The following TBC1D22B variants were observed in gnomAD, a reference collection of about 807,000 sequenced individuals.
TBC1D22B encodes the protein TBC1 domain family member 22B, also known as chromosome 6 open reading frame 197.
A neutral mutation model predicts 69.1 loss-of-function variants in TBC1D22B; 32 were observed. That is an observed-to-expected ratio of 0.46 (90% CI 0.35 to 0.62). The LOEUF is 0.62. Ranked by LOEUF, TBC1D22B falls within the 20% of genes least tolerant of loss-of-function variation. The pLI is 0.00. For synonymous variants in TBC1D22B, 206 were observed against 229.8 expected, an observed-to-expected ratio of 0.90 and a Z score of 0.94; for missense variants, 462 against 630.9, an observed-to-expected ratio of 0.73 and a Z score of 2.87.
At chr6:37,324,423 C>G (rs1452475198) in intron 12 of TBC1D22B, 1 of 454,346 alleles carries the variant, frequency 2.2e-6, no homozygotes, top group Non-Finnish European at 4.4e-6. Context: ...AATCTCTCAG[C>G]TGTAAGACAA....
chr6:37,302,680 A>C (rs1767603365), intron 8 of TBC1D22B, among the ~76,000 whole-genome samples: 1 of 152,242 alleles, frequency 6.6e-6, no homozygotes, highest in Non-Finnish European at 1.5e-5. Flanking sequence ...ACCTGGAAGC[A>C]TGACAGCAGT....
intron 12 of TBC1D22B, among the ~76,000 whole-genome samples, chr6:37,320,880 G>A (rs1022949505): frequency 1.3e-5 from 2 of 152,236 alleles, no homozygotes; most frequent in African/African-American, 4.8e-5. Context: ...CTTGAAATGC[G>A]AGCTGCCAGC....
Position 37,313,861 on chromosome 6 carries a change from G to C in TBC1D22B, c.1135G>C (p.Ala379Pro). 1.2e-6 allele frequency: 2 copies of C among 1,614,178 alleles called. No homozygotes were observed. The highest frequency in any genetic ancestry group is 1.7e-6 in the Non-Finnish European group (2 of 1,180,020). Residue 379 changes from alanine to proline, a missense_variant, in exon 10 of 13, where the codon GCA (alanine) becomes CCA (proline). Around this residue, in one of 2 missense-constraint regions of TBC1D22B, gnomAD observed 225 missense variants for 375.4 expected, o/e 0.60. Transcript: ENST00000373491. ...AQPGIQKKVK[A>P]LEELVSRIDE... The stretch of plus-strand genomic sequence containing the variant: ...ACCAGGAATCCAGAAGAAGGTGAAG[G>C]CACTGGAAGAGCTTGTCAGCCGGAT...
chr6:37,273,728 A>G (rs1288298629), intron 2 of TBC1D22B, among the ~76,000 whole-genome samples: 1 of 152,136 alleles, frequency 6.6e-6, no homozygotes, highest in African/African-American at 2.4e-5. Context: ...TTTGATGTTG[A>G]TATTTTACAA....
intron 1 of TBC1D22B, among the ~76,000 whole-genome samples, chr6:37,260,919 G>A (rs1277357749): frequency 6.6e-6 from 1 of 152,028 alleles, no homozygotes; most frequent in East Asian, 1.9e-4. Context: ...TCACTTTTGG[G>A]CTATTGTACG....
Position 37,267,400 on chromosome 6 carries a change from CAT to C in TBC1D22B, c.57-2188_57-2187del, listed in dbSNP as rs1452863567. 1.5e-4 allele frequency among the ~76,000 whole-genome samples: 19 copies of C among 130,614 alleles called. 1 individual carries two copies. The highest frequency in any genetic ancestry group is 3.2e-4 in the Admixed American group (4 of 12,638). The allele number at this position is 130,614 out of a possible 152,430, so 85.7% of individuals were successfully genotyped here. ...CACATATATAATATATATATACACACATATATAATATATATATACACATATAA... is the reference window on the plus strand; with the variant it reads ...CACATATATAATATATATATACACACATATAATATATATATACACATATAA... On this transcript the variant is annotated intron_variant, in intron 1 of 12. Coordinates refer to ENST00000373491, the MANE Select transcript of TBC1D22B (RefSeq NM_017772.4).
In TBC1D22B at chr6:37,327,249, C is replaced by T. The variant is rs902637798; in HGVS notation, c.1390-3795C>T. On this transcript the variant is annotated intron_variant, in intron 12 of 12. Coordinates refer to ENST00000373491, the MANE Select transcript of TBC1D22B (RefSeq NM_017772.4). ...ATCCCAGCACTTTGGGAGGCCGAGGCGGGCGGATCACGAGGTCAGGAGATC... is the reference window on the plus strand; with the variant it reads ...ATCCCAGCACTTTGGGAGGCCGAGGTGGGCGGATCACGAGGTCAGGAGATC... 6.4e-4 allele frequency among the ~76,000 whole-genome samples: 61 copies of T among 95,522 alleles called. 3 individuals are homozygous for T. Among genetic ancestry groups the T allele is most frequent in the African/African-American group, 2.5e-3 (44 of 17,606 alleles). 62.7% of individuals were successfully genotyped at this position (95,522 alleles called of 152,430 possible). A position where few individuals can be genotyped will look rare whatever the true frequency, so the allele number is the denominator to read the frequency against.
intron 8 of TBC1D22B, among the ~76,000 whole-genome samples, chr6:37,292,047 C>T (rs1767201960): frequency 6.6e-6 from 1 of 152,118 alleles, no homozygotes; most frequent in African/African-American, 2.4e-5. Context: ...ACAGGAAAAC[C>T]CATCTGCCAT....
At chr6:37,295,488 A>C (rs1391189125) in intron 8 of TBC1D22B, 4 of 262,718 alleles carry the variant, frequency 1.5e-5, no homozygotes, top group African/African-American at 9.2e-5. Flanking sequence ...ATTTTTGTCA[A>C]GTGCAAGGTC....
At chr6:37,302,151 A>G (rs1169311685) in intron 8 of TBC1D22B, among the ~76,000 whole-genome samples, 2 of 152,258 alleles carry the variant, frequency 1.3e-5, no homozygotes, top group African/African-American at 2.4e-5. Flanking sequence ...AGTGAGTTCC[A>G]GTGATTCCCC....
chr6:37,331,235 C>T lies in TBC1D22B; in HGVS notation c.*63C>T. The T allele has an allele frequency of 6.3e-7, 1 of 1,578,628 alleles. No individual in the cohort carries two copies. The highest frequency in any genetic ancestry group is 8.7e-7 in the Non-Finnish European group (1 of 1,151,462). The stretch of plus-strand genomic sequence containing the variant: ...CTGATGGCAGTCTGATCACTGTGGC[C>T]ACTGTGCGAGCCGTGGACCCCGGCC... On this transcript the variant is annotated 3_prime_UTR_variant, in exon 13 of 13. Coordinates refer to ENST00000373491, the MANE Select transcript of TBC1D22B (RefSeq NM_017772.4).
chr6:37,326,573 G>A, intron 12 of TBC1D22B, among the ~76,000 whole-genome samples: 1 of 152,148 alleles, frequency 6.6e-6, no homozygotes, highest in East Asian at 1.9e-4. Flanking sequence ...CAGATCCCGA[G>A]GTCAGGAGAT....
intron 6 of TBC1D22B, among the ~76,000 whole-genome samples, chr6:37,286,217 A>G (rs1767000766): frequency 6.6e-6 from 1 of 152,212 alleles, no homozygotes. Flanking sequence ...TTGTCATGGA[A>G]ACATGTTCCA....
At chr6:37,298,539 G>GTTTTTTTTTT (rs34996865) in intron 8 of TBC1D22B, among the ~76,000 whole-genome samples, 2 of 71,220 alleles carry the variant, frequency 2.8e-5, no homozygotes, top group Admixed American at 2.0e-4. Flanking sequence ...GTTGCCTACA[G>GTTTTTTTTTT]TTTTTTTTTT....
At chr6:37,258,701 C>T (rs1017401809) in intron 1 of TBC1D22B, among the ~76,000 whole-genome samples, 2 of 152,170 alleles carry the variant, frequency 1.3e-5, no homozygotes, top group Non-Finnish European at 1.5e-5. Flanking sequence ...AGACTACCCC[C>T]ACCCTCTTTT....
At chr6:37,318,537 T>C (rs1167083626) in intron 12 of TBC1D22B, among the ~76,000 whole-genome samples, 1 of 152,196 alleles carries the variant, frequency 6.6e-6, no homozygotes, top group Non-Finnish European at 1.5e-5. Context: ...TAGATGCTGC[T>C]TAAAGCCGAC....
At position 37,257,817 on chromosome 6, in the gene TBC1D22B, G is replaced by T; in HGVS notation, c.-101G>T. On this transcript the variant is annotated 5_prime_UTR_variant, in exon 1 of 13. Coordinates refer to ENST00000373491, the MANE Select transcript of TBC1D22B (RefSeq NM_017772.4). ...AGGAGCTGGGAGCGGGTGACCGGCG[G>T]CGGGGAAGCGGCCTGGGTTGGCCCT... The T allele has an allele frequency of 7.5e-7, 1 of 1,338,068 alleles. No homozygotes were observed. Among genetic ancestry groups the T allele is most frequent in the Non-Finnish European group, 1.0e-6 (1 of 969,902 alleles). The allele number at this position is 1,338,068 out of a possible 1,614,324, so 82.9% of individuals were successfully genotyped here.
chr6:37,303,785 C>T (rs1019586565), intron 8 of TBC1D22B, among the ~76,000 whole-genome samples: 1 of 152,208 alleles, frequency 6.6e-6, no homozygotes, highest in Non-Finnish European at 1.5e-5. Context: ...CCCTTTAAGA[C>T]TCCCCTTCCT....
chr6:37,271,809 T>C (rs1766492828), intron 2 of TBC1D22B, among the ~76,000 whole-genome samples: 1 of 151,596 alleles, frequency 6.6e-6, no homozygotes. Flanking sequence ...TCTGAATTAC[T>C]GAGGAAGCAT....
Sources: gnomAD v4.1 joint callset for allele counts (sites outside exome capture counted in the v4.1 genomes callset) on GRCh38, gnomAD v4.1.1 for gene constraint, gnomAD v4.1.1 regional missense constraint, MANE v1.5 for transcripts, NCBI Gene and HGNC (gene_info 2026-07-23, HGNC 2026-07-21) for gene names.